Variants in FBLN1 observed in about 807,000 individuals in gnomAD.
FBLN1 encodes fibulin-1.
In FBLN1, 34 loss-of-function variants were observed where a neutral mutation model predicts 89.7. The ratio of observed to expected loss-of-function variants is 0.38; its 90% CI spans 0.29 to 0.50. The LOEUF (loss-of-function observed/expected upper bound fraction) is 0.50. FBLN1 is among the 20% of genes least tolerant of loss of function. FBLN1 has a pLI of 0.92. For missense variants in FBLN1, 777 were observed against 988.1 expected, an observed-to-expected ratio of 0.79 and a Z score of 2.86; for synonymous variants, 393 against 391.3, an observed-to-expected ratio of 1.00 and a Z score of -0.05.
rs979261978 is a variant in FBLN1 at position 45,541,525 on chromosome 22, T to C, written c.1066+153T>C. Among the ~76,000 whole-genome samples the C allele has an allele frequency of 5.3e-5, 8 of 152,340 alleles. 1 individual carries two copies. In the South Asian group the frequency reaches 1.7e-3, roughly 32 times the overall value. ...GTCAGTTCCCAAGCATGGGGCTTCATTGTCTTGCCTGGACTGGTGCACCAG... is the reference window on the plus strand; with the variant it reads ...GTCAGTTCCCAAGCATGGGGCTTCACTGTCTTGCCTGGACTGGTGCACCAG... On this transcript the variant is annotated intron_variant, in intron 9 of 16. Transcript: ENST00000327858.
At position 45,533,992 on chromosome 22, in the gene FBLN1, C is replaced by T. The variant is rs572305999; in HGVS notation, c.784+94C>T. 3.2e-6 allele frequency: 5 copies of T among 1,553,718 alleles called. No individual in the cohort carries two copies. In the East Asian group the frequency reaches 1.1e-4, roughly 35 times the overall value. ...GCTCTGGGGTCTGGGCTCCCGCAGT[C>T]CTGCGCCCTCTGTGGCTGCCTGGGC... On this transcript the variant is annotated intron_variant, in intron 7 of 16. Transcript: ENST00000327858.
Position 45,562,557 on chromosome 22 carries a change from C to A in FBLN1, c.1697+11942C>A, listed in dbSNP as rs1267166442. 6.6e-6 allele frequency among the ~76,000 whole-genome samples: 1 copy of A among 152,108 alleles called. No homozygotes were observed. The highest frequency in any genetic ancestry group is 1.5e-5 in the Non-Finnish European group (1 of 68,024). On this transcript the variant is annotated intron_variant, in intron 14 of 16. Transcript: ENST00000327858. The surrounding 1 kb of genome is among the most constrained non-coding windows in gnomAD (Gnocchi z 7.8). ...AGACACAACCAAGAGCCCTGCGTAGCCCTGGCCACTGTCTGGGCAAGGGCC... is the reference window on the plus strand; with the variant it reads ...AGACACAACCAAGAGCCCTGCGTAGACCTGGCCACTGTCTGGGCAAGGGCC...
At position 45,542,229 on chromosome 22, in the gene FBLN1, C is replaced by T. The variant is rs775763534; in HGVS notation, c.1141C>T (p.Arg381Cys). Residue 381 changes from arginine (R) to cysteine (C), a missense_variant, in exon 10 of 17, where the codon CGC becomes TGC. By Grantham distance (180) the Arg-to-Cys change is radical. Coordinates refer to ENST00000327858, the MANE Select transcript of FBLN1 (RefSeq NM_006486.3). Reference sequence around the variant, plus strand: ...CTGCGTGAACTCTCCCGGCAGTTTCCGCTGCGAATGCAAGACGGGTTACTA... The same window carrying T: ...CTGCGTGAACTCTCCCGGCAGTTTCTGCTGCGAATGCAAGACGGGTTACTA... ...HRCVNSPGSFRCECKTGYYFD... is the reference protein window; with the variant it reads ...HRCVNSPGSFCCECKTGYYFD... 3 of 1,614,184 alleles carry T rather than the reference C, an allele frequency of 1.9e-6. No homozygotes were observed. Among genetic ancestry groups the T allele is most frequent in the African/African-American group, 1.3e-5 (1 of 75,072 alleles).
In FBLN1 at chr22:45,577,139, G is replaced by A; in HGVS notation, c.1972+31G>A. On this transcript the variant is annotated intron_variant, in intron 16 of 16. Coordinates refer to ENST00000327858, the MANE Select transcript of FBLN1 (RefSeq NM_006486.3). This position sits in a 1 kb window ranked among gnomAD's most constrained non-coding sequence, Gnocchi z 6.6. ...TGGCTGGGAATATCAGCTCTATCCA[G>A]GCACCCCTCCCCCTCCACCCCGAAA... The A allele has an allele frequency of 6.2e-7, 1 of 1,612,732 alleles. No homozygotes were observed. Among genetic ancestry groups the A allele is most frequent in the South Asian group, 1.1e-5 (1 of 91,044 alleles).
In FBLN1 at chr22:45,546,252, C is replaced by T. The variant is rs904749585; in HGVS notation, c.1322-833C>T. Among the ~76,000 whole-genome samples, 5 of 152,168 alleles carry T rather than the reference C, an allele frequency of 3.3e-5. No individual in the cohort carries two copies. The East Asian group carries it at 9.6e-4, about 29-fold the overall frequency. ...TATTATTTTGAGACGGAGTCTCGCT[C>T]TGTCGCCCAGGCTGGAGTGCAGTGG... On this transcript the variant is annotated intron_variant, in intron 11 of 16. Transcript: ENST00000327858.
intron 14 of FBLN1, among the ~76,000 whole-genome samples, chr22:45,559,118 T>C (rs920477727): frequency 6.6e-6 from 1 of 152,214 alleles, no homozygotes; most frequent in Non-Finnish European, 1.5e-5. Flanking sequence ...GAAGACAAAT[T>C]GCTTCTGGTG....
At chr22:45,523,865 C>A (rs574052458) in intron 2 of FBLN1, among the ~76,000 whole-genome samples, 1 of 152,274 alleles carries the variant, frequency 6.6e-6, no homozygotes, top group South Asian at 2.1e-4. Flanking sequence ...AGGAACTGTG[C>A]TCCACGGCAG....
At chr22:45,513,110 T>C (rs191555039) in intron 1 of FBLN1, among the ~76,000 whole-genome samples, 65 of 152,318 alleles carry the variant, frequency 4.3e-4, no homozygotes, top group African/African-American at 1.5e-3. Context: ...ATTAATTCGC[T>C]TGACACTGTT....
chr22:45,593,105 C>G (rs1479529802), intron 16 of FBLN1, among the ~76,000 whole-genome samples: 4 of 152,010 alleles, frequency 2.6e-5, no homozygotes, highest in Non-Finnish European at 5.9e-5. Context: ...AACTCTAGGT[C>G]TCTTTATAAA....
rs2088999421 is a variant in FBLN1, at chr22:45,576,624, C to T, written c.1841-353C>T. 6.6e-6 allele frequency among the ~76,000 whole-genome samples: 1 copy of T among 152,108 alleles called. No homozygotes were observed. The highest frequency in any genetic ancestry group is 1.5e-5 in the Non-Finnish European group (1 of 68,022). On this transcript the variant is annotated intron_variant, in intron 15 of 16. Coordinates refer to ENST00000327858, the MANE Select transcript of FBLN1 (RefSeq NM_006486.3). The surrounding 1 kb of genome is among the most constrained non-coding windows in gnomAD (Gnocchi z 5.2). ...ACCCCTCTGGCCTTTCTGCTGTCTCCCTCTGTCCCCTCACTCGCTTTCCTC... is the reference window on the plus strand; with the variant it reads ...ACCCCTCTGGCCTTTCTGCTGTCTCTCTCTGTCCCCTCACTCGCTTTCCTC...
At chr22:45,599,981 T>C (rs537206779) in intron 16 of FBLN1, among the ~76,000 whole-genome samples, 28 of 152,270 alleles carry the variant, frequency 1.8e-4, no homozygotes, top group African/African-American at 6.5e-4. Flanking sequence ...AAACCTGGGC[T>C]CAGAAGCTGG....
Position 45,574,913 on chromosome 22 carries a change from C to G in FBLN1, c.1840+260C>G, listed in dbSNP as rs1213598406. 1.3e-5 allele frequency among the ~76,000 whole-genome samples: 2 copies of G among 151,738 alleles called. No homozygotes were observed. Among genetic ancestry groups the G allele is most frequent in the African/African-American group, 2.4e-5 (1 of 41,262 alleles). On this transcript the variant is annotated intron_variant, in intron 15 of 16. Coordinates refer to ENST00000327858, the MANE Select transcript of FBLN1 (RefSeq NM_006486.3). This position sits in a 1 kb window ranked among gnomAD's most constrained non-coding sequence, Gnocchi z 4.1. ...TCTCCTGCCTCAGCCTTCCGAGTAG[C>G]TGGGACTACAGGCGCCCGCCACCAC...
Position 45,557,328 on chromosome 22 carries a change from A to G in FBLN1, c.1697+6713A>G, listed in dbSNP as rs2088801330. On this transcript the variant is annotated intron_variant, in intron 14 of 16. Coordinates refer to ENST00000327858, the MANE Select transcript of FBLN1 (RefSeq NM_006486.3). This position sits in a 1 kb window ranked among gnomAD's most constrained non-coding sequence, Gnocchi z 4.9. ...TCCAGAGTAAGTGTCTATTCCGGTG[A>G]GGACAAACCTCTGCCATTTCCATGA... is the stretch of plus-strand genomic sequence containing the variant. Among the ~76,000 whole-genome samples the G allele has an allele frequency of 6.6e-6, 1 of 152,218 alleles. No homozygotes were observed. The highest frequency in any genetic ancestry group is 2.4e-5 in the African/African-American group (1 of 41,454).
At chr22:45,508,286 C>CTTTTTTTTGTTTTT (rs2088051065) in intron 1 of FBLN1, among the ~76,000 whole-genome samples, 1 of 129,132 alleles carries the variant, frequency 7.7e-6, no homozygotes, top group African/African-American at 2.9e-5. Flanking sequence ...CCTCGCGTAT[C>CTTTTTTTTGTTTTT]TTTTTTTTTG....
chr22:45,525,489 T>C, intron 2 of FBLN1, 54 bp from the exon 3 acceptor site: 1 of 1,538,674 alleles, frequency 6.5e-7, no homozygotes, highest in Non-Finnish European at 8.8e-7. Flanking sequence ...GAGGATCTCG[T>C]GCCCTGGGCC....
At chr22:45,593,391 G>GA (rs1351117754) in intron 16 of FBLN1, among the ~76,000 whole-genome samples, 10 of 152,254 alleles carry the variant, frequency 6.6e-5, no homozygotes, top group African/African-American at 1.9e-4. Context: ...ACATGAAAGT[G>GA]AAGCGCCCGA....
chr22:45,584,483 G>A (rs1255898151), intron 16 of FBLN1, among the ~76,000 whole-genome samples: 5 of 152,204 alleles, frequency 3.3e-5, no homozygotes, highest in East Asian at 1.9e-4. Context: ...CTGTGTGGCC[G>A]CGGCAAACTG....
At chr22:45,526,252 A>G (rs560727534) in intron 3 of FBLN1, among the ~76,000 whole-genome samples, 2 of 152,352 alleles carry the variant, frequency 1.3e-5, no homozygotes, top group East Asian at 3.9e-4. Flanking sequence ...TAAGCTGTGA[A>G]TAAATGGCAT....
At chr22:45,548,841 C>T in intron 13 of FBLN1, 97 bp downstream of exon 13, 2 of 1,557,834 alleles carry the variant, frequency 1.3e-6, no homozygotes, top group South Asian at 1.1e-5. Flanking sequence ...GCTTCCCCAA[C>T]CCAAGGGCCA....
Sources: gnomAD v4.1 joint callset for allele counts (sites outside exome capture counted in the v4.1 genomes callset) on GRCh38, gnomAD v4.1.1 for gene constraint, Gnocchi (gnomAD v3.1) non-coding constraint, MANE v1.5 for transcripts, NCBI Gene and HGNC (gene_info 2026-07-23, HGNC 2026-07-21) for gene names.